The following VSIG4 variants were observed in gnomAD, a reference collection of about 807,000 sequenced individuals.
The protein encoded by VSIG4 is V-set and immunoglobulin domain containing 4, also known as V-set and immunoglobulin domain-containing protein 4.
A neutral mutation model predicts 23.4 loss-of-function variants in VSIG4; 34 were observed. The observed-to-expected ratio is 1.45, with a 90% CI of 1.10 to 1.93. The LOEUF (loss-of-function observed/expected upper bound fraction) is 1.93. Ranked by LOEUF, VSIG4 falls within the 30% of genes most tolerant of loss-of-function variation. The probability of loss-of-function intolerance (pLI) is 0.00; values close to 1 mark genes in which losing one functional copy is unlikely to be tolerated. For missense variants in VSIG4, 433 were observed against 310.8 expected (o/e 1.39, Z -2.96); for synonymous variants, 169 against 120.3 (o/e 1.41, Z -2.65).
At chrX:66,031,535 G>A (rs1045406518) in intron 3 of VSIG4, among the ~76,000 whole-genome samples, 4 of 110,314 alleles carry the variant, frequency 3.6e-5, no homozygotes, top group African/African-American at 1.3e-4. Flanking sequence ...CTAGGTTTAC[G>A]CCCTCTCCTT....
chrX:66,027,218 C>T (rs2085402036), intron 5 of VSIG4, among the ~76,000 whole-genome samples: 1 of 111,662 alleles, frequency 9.0e-6, no homozygotes, highest in African/African-American at 3.3e-5. Flanking sequence ...ATAAAGGGCA[C>T]ATTTATCACT....
At chrX:66,025,548 C>T (rs2147656689) in intron 5 of VSIG4, among the ~76,000 whole-genome samples, 1 of 112,447 alleles carries the variant, frequency 8.9e-6, no homozygotes, top group South Asian at 3.6e-4. Context: ...GTCAAGTCCC[C>T]AGCTTCCTTC....
chrX:66,023,392 C>A (rs747570545), intron 6 of VSIG4, among the ~76,000 whole-genome samples: 1 of 112,073 alleles, frequency 8.9e-6, no homozygotes. Context: ...ATATTCCGTA[C>A]AGGCTCAAAG....
chrX:66,022,288 G>A lies in VSIG4; in HGVS notation c.1175C>T (p.Ala392Val). 1.7e-6 allele frequency: 2 copies of A among 1,212,120 alleles called. No individual in the cohort carries two copies. Among genetic ancestry groups the A allele is most frequent in the East Asian group, 3.0e-5 (1 of 33,791 alleles). ...TTAACAGACACTTTTGCCCTCAGTGGCCAGAAACTCATAATCCAGAGGAAC... is the reference window on the plus strand; with the variant it reads ...TTAACAGACACTTTTGCCCTCAGTGACCAGAAACTCATAATCCAGAGGAAC... ...DTVPLDYEFL[A>V]TEGKSVC Residue 392 changes from alanine (A) to valine (V), a missense_variant, in exon 8 of 8, where the codon GCC becomes GTC. Transcript: ENST00000374737.
chrX:66,031,003 G>T (rs2085457773), intron 3 of VSIG4, among the ~76,000 whole-genome samples: 1 of 110,987 alleles, frequency 9.0e-6, no homozygotes, highest in African/African-American at 3.3e-5. Flanking sequence ...AGGTTGGGTG[G>T]ACAGGGAGGC....
chrX:66,040,076 T>C lies in VSIG4; in HGVS notation c.-78A>G. On this transcript the variant is annotated 5_prime_UTR_variant, in exon 1 of 8. Transcript: ENST00000374737. ...CTCAAACTTCTGGTGGCCGCCAGCG[T>C]CTGTGACTGCTTACTTCCCTTCCTT... is the stretch of plus-strand genomic sequence containing the variant. 1.9e-6 allele frequency: 2 copies of C among 1,046,363 alleles called. No homozygotes were observed. Among genetic ancestry groups the C allele is most frequent in the East Asian group, 3.1e-5 (1 of 32,663 alleles). 86.2% of individuals were successfully genotyped at this position (1,046,363 alleles called of 1,213,427 possible).
chrX:66,037,850 A>G (rs1414615089), intron 1 of VSIG4, among the ~76,000 whole-genome samples: 1 of 93,778 alleles, frequency 1.1e-5, no homozygotes, highest in Non-Finnish European at 2.0e-5. Context: ...ACCCAGCCTT[A>G]TAAAAGCAAA....
intron 2 of VSIG4, among the ~76,000 whole-genome samples, chrX:66,033,121 C>T (rs1461050409): frequency 9.0e-6 from 1 of 111,105 alleles, no homozygotes; most frequent in Non-Finnish European, 1.9e-5. Flanking sequence ...CCTCTGCCTC[C>T]CTTTCCCCAG....
chrX:66,035,418 C>G (rs1162634107), intron 1 of VSIG4, among the ~76,000 whole-genome samples: 1 of 112,071 alleles, frequency 8.9e-6, no homozygotes, highest in Non-Finnish European at 1.9e-5. Flanking sequence ...TTAATCAGAG[C>G]TGTCTATGGA....
chrX:66,037,660 T>G (rs2085630629), intron 1 of VSIG4, among the ~76,000 whole-genome samples: 1 of 87,940 alleles, frequency 1.1e-5, no homozygotes, highest in Admixed American at 1.6e-4. Context: ...TTATTACTGA[T>G]AATTACTTAT....
At position 66,025,089 on chromosome X, in the gene VSIG4, G is replaced by A. The variant is rs2147655985; in HGVS notation, c.876C>T (p.Ser292=). 4.1e-6 allele frequency: 5 copies of A among 1,205,416 alleles called. No homozygotes were observed. The highest frequency in any genetic ancestry group is 3.0e-5 in the East Asian group (1 of 33,504). Residue 292 remains serine, a synonymous_variant, in exon 6 of 8, where the codon TCC becomes TCT. Coordinates refer to ENST00000374737, the MANE Select transcript of VSIG4 (RefSeq NM_007268.3). ...LPVFAIILII[S]LCCMVVFTMA... Reference sequence around the variant, plus strand: ...TGGTAAAAACCACCATACAGCACAAGGAGATGATGAGGATGATGGCAAAGA... The same window carrying A: ...TGGTAAAAACCACCATACAGCACAAAGAGATGATGAGGATGATGGCAAAGA...
chrX:66,023,140 G>T (rs1055517358), intron 6 of VSIG4, among the ~76,000 whole-genome samples: 19 of 110,800 alleles, frequency 1.7e-4, no homozygotes, highest in Non-Finnish European at 3.6e-4. Context: ...GGTATGGGTT[G>T]GGGGAGGGCA....
At chrX:66,027,375 G>C (rs2085403610) in intron 5 of VSIG4, 74 bp downstream of exon 5, 1 of 880,084 alleles carries the variant, frequency 1.1e-6, no homozygotes, top group Admixed American at 2.6e-5. Context: ...GTAGAACAGT[G>C]TGCATAAGGG....
In VSIG4 at chrX:66,022,160, C is replaced by T; in HGVS notation, c.*103G>A. On this transcript the variant is annotated 3_prime_UTR_variant, in exon 8 of 8. Transcript: ENST00000374737. ...CGGCTCCAGTGTTGGTAGGCGGACA[C>T]TTTGGGCTATCCAGGAAGAGAGGTA... 8.3e-7 allele frequency: 1 copy of T among 1,205,033 alleles called. No individual in the cohort carries two copies. The highest frequency in any genetic ancestry group is 1.1e-6 in the Non-Finnish European group (1 of 892,087).
At chrX:66,023,088 T>A (rs1442984357) in intron 6 of VSIG4, among the ~76,000 whole-genome samples, 1 of 110,811 alleles carries the variant, frequency 9.0e-6, no homozygotes, top group Admixed American at 9.5e-5. Context: ...ACTATCCTTT[T>A]TGTCATCTTG....
rs755713364 is a variant in VSIG4 at position 66,040,013 on chromosome X, C to G, written c.-15G>C. 8.3e-7 allele frequency: 1 copy of G among 1,209,597 alleles called. No individual in the cohort carries two copies. The highest frequency in any genetic ancestry group is 1.7e-5 in the African/African-American group (1 of 57,378). On this transcript the variant is annotated 5_prime_UTR_variant, in exon 1 of 8. Transcript: ENST00000374737. ...AAGATCCCCATCACAGCCAGAGCTA[C>G]TTCTGTCCTTTCTTCCAGCCTCCTG...
In VSIG4 at chrX:66,022,327, C is replaced by T. The variant is rs201625014; in HGVS notation, c.1136G>A (p.Arg379His). Residue 379 changes from arginine (R) to histidine (H), a missense_variant, in exon 8 of 8, where the codon CGC becomes CAC. Arg to His is a conservative substitution (Grantham distance 29). Coordinates refer to ENST00000374737, the MANE Select transcript of VSIG4 (RefSeq NM_007268.3). ...ATCCAGAGGAACTGTGTCCAGCAGG[C>T]GGGCGTAGTTGCCATTGATCTGGGC... is the stretch of plus-strand genomic sequence containing the variant. ...IIAQINGNYA[R>H]LLDTVPLDYE... 77 of 1,211,014 alleles carry T rather than the reference C, an allele frequency of 6.4e-5. No individual in the cohort carries two copies. The highest frequency in any genetic ancestry group is 5.3e-4 in the South Asian group (30 of 56,915).
intron 3 of VSIG4, among the ~76,000 whole-genome samples, chrX:66,029,976 T>C (rs903235975): frequency 9.0e-6 from 1 of 111,655 alleles, no homozygotes; most frequent in Non-Finnish European, 1.9e-5. Context: ...CTCCTGATAA[T>C]ATAGAAATAC....
At chrX:66,031,442 T>C (rs995882919) in intron 3 of VSIG4, among the ~76,000 whole-genome samples, 1 of 109,676 alleles carries the variant, frequency 9.1e-6, no homozygotes, top group African/African-American at 3.3e-5. Flanking sequence ...AGCTTAACTT[T>C]GGGAAACAAA....
Sources: gnomAD v4.1 joint callset for allele counts (sites outside exome capture counted in the v4.1 genomes callset) on GRCh38, gnomAD v4.1.1 for gene constraint, MANE v1.5 for transcripts, NCBI Gene and HGNC (gene_info 2026-07-23, HGNC 2026-07-21) for gene names.